SUPT3H: variants seen among roughly 807,000 people sequenced by gnomAD.
The protein encoded by SUPT3H is SPT3 homolog, SAGA and STAGA complex component.
A neutral mutation model predicts 44.3 loss-of-function variants in SUPT3H; 44 were observed. The observed-to-expected ratio is 0.99, with a 90% confidence interval of 0.78 to 1.28. SUPT3H has a LOEUF of 1.28. SUPT3H is among the 50% of genes most tolerant of loss of function. The probability of loss-of-function intolerance (pLI) is 0.00; values close to 1 mark genes in which losing one functional copy is unlikely to be tolerated. For missense variants in SUPT3H, 380 were observed against 387.1 expected (o/e 0.98, Z 0.15); for synonymous variants, 124 against 125.6 (o/e 0.99, Z 0.09).
At chr6:45,178,212 G>A (rs929613909) in intron 2 of SUPT3H, among the ~76,000 whole-genome samples, 1 of 152,100 alleles carries the variant, frequency 6.6e-6, no homozygotes, top group African/African-American at 2.4e-5. Context: ...TCAAATAAAA[G>A]GATAGAGGAA....
intron 10 of SUPT3H, among the ~76,000 whole-genome samples, chr6:44,918,348 G>C (rs535337805): frequency 6.6e-6 from 1 of 152,294 alleles, no homozygotes; most frequent in South Asian, 2.1e-4. Context: ...CAGATTTATA[G>C]TTCAAGCTAC....
At chr6:45,244,367 T>A (rs190841025) in intron 2 of SUPT3H, among the ~76,000 whole-genome samples, 1 of 152,224 alleles carries the variant, frequency 6.6e-6, no homozygotes, top group African/African-American at 2.4e-5. Flanking sequence ...AGCCACACCT[T>A]ATTTATATCC....
intron 2 of SUPT3H, among the ~76,000 whole-genome samples, chr6:45,289,663 C>T (rs1369992352): frequency 1.3e-5 from 2 of 152,022 alleles, no homozygotes; most frequent in African/African-American, 2.4e-5. Flanking sequence ...ATGCATAAAC[C>T]ATTATTGCTC....
intron 2 of SUPT3H, among the ~76,000 whole-genome samples, chr6:45,313,753 C>T (rs1190816986): frequency 2.0e-5 from 3 of 151,858 alleles, no homozygotes; most frequent in Non-Finnish European, 2.9e-5. Context: ...CACTATTCCA[C>T]AAGATAGAGA....
chr6:45,269,273 G>A (rs1775738494), intron 2 of SUPT3H, among the ~76,000 whole-genome samples: 1 of 152,022 alleles, frequency 6.6e-6, no homozygotes, highest in Non-Finnish European at 1.5e-5. Context: ...CCTTTAATAT[G>A]GTACCTACAC....
intron 2 of SUPT3H, among the ~76,000 whole-genome samples, chr6:45,280,470 CA>C (rs1395730691): frequency 2.6e-5 from 4 of 151,712 alleles, no homozygotes; most frequent in African/African-American, 9.7e-5. Flanking sequence ...CATGCCACTG[CA>C]AAATCTCAAA....
At chr6:44,964,824 T>C (rs1024300933) in intron 6 of SUPT3H, among the ~76,000 whole-genome samples, 4 of 152,130 alleles carry the variant, frequency 2.6e-5, no homozygotes, top group African/African-American at 4.8e-5. Flanking sequence ...TTATAGACAA[T>C]ACAAAATCAT....
At chr6:45,329,900 T>C (rs1424381708) in intron 2 of SUPT3H, among the ~76,000 whole-genome samples, 1 of 151,920 alleles carries the variant, frequency 6.6e-6, no homozygotes, top group Non-Finnish European at 1.5e-5. Flanking sequence ...TTTTCTTATA[T>C]CCATTAAAAT....
chr6:45,205,548 G>C (rs1763095334), intron 2 of SUPT3H, among the ~76,000 whole-genome samples: 1 of 152,176 alleles, frequency 6.6e-6, no homozygotes, highest in South Asian at 2.1e-4. Flanking sequence ...TGTAATCTCA[G>C]CACTTTGGGA....
intron 3 of SUPT3H, among the ~76,000 whole-genome samples, chr6:45,037,204 A>G (rs1787798427): frequency 6.6e-6 from 1 of 152,110 alleles, no homozygotes; most frequent in Admixed American, 6.6e-5. Context: ...GATGACCAAT[A>G]AATTAACTGA....
intron 2 of SUPT3H, among the ~76,000 whole-genome samples, chr6:45,214,571 G>A (rs1327673745): frequency 1.3e-5 from 2 of 152,176 alleles, no homozygotes; most frequent in Non-Finnish European, 2.9e-5. Context: ...GAAAAGCCAG[G>A]TGTGGTGGCA....
chr6:44,894,786 T>TTA, intron 10 of SUPT3H, among the ~76,000 whole-genome samples: 1 of 151,806 alleles, frequency 6.6e-6, no homozygotes, highest in Middle Eastern at 3.4e-3. Context: ...GAAAACGCCC[T>TTA]TATAGGCCAG....
chr6:44,893,381 C>T (rs957030993), intron 10 of SUPT3H, among the ~76,000 whole-genome samples: 2 of 152,104 alleles, frequency 1.3e-5, no homozygotes, highest in East Asian at 1.9e-4. Context: ...TCCCCCCTGC[C>T]CCCACCCCAC....
intron 3 of SUPT3H, among the ~76,000 whole-genome samples, chr6:45,073,873 A>C (rs1398571160): frequency 6.6e-6 from 1 of 151,998 alleles, no homozygotes; most frequent in Non-Finnish European, 1.5e-5. Flanking sequence ...ATCACTTCTT[A>C]TTGACAGAAT....
At chr6:45,344,938 G>A (rs934194019) in intron 2 of SUPT3H, among the ~76,000 whole-genome samples, 7 of 152,088 alleles carry the variant, frequency 4.6e-5, no homozygotes, top group Non-Finnish European at 8.8e-5. Context: ...AGTTGCCATG[G>A]ACTATGCTCT....
At chr6:44,886,084 C>T (rs375073427) in intron 10 of SUPT3H, among the ~76,000 whole-genome samples, 98 of 152,174 alleles carry the variant, frequency 6.4e-4, no homozygotes, top group East Asian at 5.6e-3. Flanking sequence ...TAAAAAGAAA[C>T]GAACAATGCC....
chr6:44,940,242 T>A (rs1338389248), intron 9 of SUPT3H, among the ~76,000 whole-genome samples: 2 of 152,076 alleles, frequency 1.3e-5, no homozygotes, highest in East Asian at 3.8e-4. Context: ...CAGTGCGTTG[T>A]GTTTCCATTT....
chr6:44,933,188 A>C (rs1770869659), intron 9 of SUPT3H, among the ~76,000 whole-genome samples: 1 of 152,224 alleles, frequency 6.6e-6, no homozygotes, highest in South Asian at 2.1e-4. Context: ...TCATCAACTT[A>C]AAATGAAAAA....
Position 45,198,305 on chromosome 6 carries a change from C to T in SUPT3H, c.102-92299G>A, listed in dbSNP as rs185426651. ...CTGAGTGTCATTTTGTATTCAACAG[C>T]AGCAGAAAAAAAAGGTATAAATGTC... On this transcript the variant is annotated intron_variant, in intron 2 of 10. Coordinates refer to ENST00000371459, the MANE Select transcript of SUPT3H (RefSeq NM_003599.4). Among the ~76,000 whole-genome samples the T allele has an allele frequency of 4.1e-3, 623 of 150,844 alleles. 5 individuals carry two copies. Among genetic ancestry groups the T allele is most frequent in the African/African-American group, 0.014 (598 of 41,388 alleles).
Sources: gnomAD v4.1 joint callset for allele counts (sites outside exome capture counted in the v4.1 genomes callset) on GRCh38, gnomAD v4.1.1 for gene constraint, MANE v1.5 for transcripts, NCBI Gene and HGNC (gene_info 2026-07-23, HGNC 2026-07-21) for gene names.